L3MBTL4: variants seen among roughly 807,000 people sequenced by gnomAD.
L3MBTL4 encodes the protein L3MBTL histone methyl-lysine binding protein 4, also known as lethal(3)malignant brain tumor-like protein 4.
In L3MBTL4, 70 loss-of-function variants were observed where a neutral mutation model predicts 84.5. That is an observed-to-expected ratio of 0.83 (90% CI 0.68 to 1.01). The LOEUF is 1.01. Among genes scored for constraint, L3MBTL4 ranks in the 50% least tolerant of loss-of-function variants. L3MBTL4 has a pLI of 0.00. For missense variants in L3MBTL4, 715 were observed against 754.8 expected (o/e 0.95, Z 0.62); for synonymous variants, 274 against 259.8 (o/e 1.05, Z -0.52).
intron 16 of L3MBTL4, chr18:6,046,836 T>C (rs2056643979): frequency 1.4e-6 from 1 of 714,266 alleles, no homozygotes; most frequent in East Asian, 2.5e-5. Flanking sequence ...ATATCACATC[T>C]AGAGGAACTA....
chr18:6,155,469 T>C (rs1215440814), intron 13 of L3MBTL4, among the ~76,000 whole-genome samples: 1 of 152,136 alleles, frequency 6.6e-6, no homozygotes, highest in Non-Finnish European at 1.5e-5. Context: ...GAGTGGGCCA[T>C]AGAAGAAAAG....
chr18:6,038,621 G>A (rs1390803012), intron 16 of L3MBTL4, among the ~76,000 whole-genome samples: 1 of 152,098 alleles, frequency 6.6e-6, no homozygotes, highest in Admixed American at 6.5e-5. Context: ...ATTGATGGGG[G>A]AGAGCGGCAC....
intron 17 of L3MBTL4, among the ~76,000 whole-genome samples, chr18:5,963,765 A>C (rs1367000457): frequency 6.6e-6 from 1 of 152,236 alleles, no homozygotes; most frequent in African/African-American, 2.4e-5. Context: ...TTCTCAATGA[A>C]AGTGGTGAGC....
chr18:6,273,660 G>T (rs1202520214), intron 4 of L3MBTL4, among the ~76,000 whole-genome samples: 1 of 152,216 alleles, frequency 6.6e-6, no homozygotes, highest in Non-Finnish European at 1.5e-5. Context: ...TGGCTGAGAG[G>T]CTCTAAGCCA....
chr18:5,958,974 C>A (rs61425898), intron 18 of L3MBTL4, among the ~76,000 whole-genome samples: 4 of 152,100 alleles, frequency 2.6e-5, no homozygotes, highest in Non-Finnish European at 5.9e-5. Context: ...TATGTGTGAA[C>A]GTGGCCAACT....
At chr18:6,190,711 A>T (rs1297954663) in intron 12 of L3MBTL4, among the ~76,000 whole-genome samples, 1 of 152,222 alleles carries the variant, frequency 6.6e-6, no homozygotes, top group East Asian at 1.9e-4. Context: ...AAATAAGTGA[A>T]TGTTTTGCAT....
At chr18:6,014,780 G>T (rs2054889026) in intron 16 of L3MBTL4, among the ~76,000 whole-genome samples, 1 of 152,076 alleles carries the variant, frequency 6.6e-6, no homozygotes, top group South Asian at 2.1e-4. Flanking sequence ...GGAAACTTTG[G>T]CGAGCTTCAA....
chr18:6,160,025 G>A (rs973658549), intron 13 of L3MBTL4, among the ~76,000 whole-genome samples: 10 of 152,122 alleles, frequency 6.6e-5, no homozygotes, highest in Non-Finnish European at 1.0e-4. Context: ...GAAGGGTGAC[G>A]TAAGTACAGC....
rs2052520891 is a variant in L3MBTL4 at position 5,969,402 on chromosome 18, A to T, written c.1605T>A (p.Thr535=). ...DIRASQVARW[T]VDEVAEFVQS... ...CAGCAGCTCCACTCACCTCATCCACAGTCCAACGTGCCACTTGGCTGGCCC... is the reference window on the plus strand; with the variant it reads ...CAGCAGCTCCACTCACCTCATCCACTGTCCAACGTGCCACTTGGCTGGCCC... The change falls in exon 17 of 19, where the codon ACT becomes ACA. Residue 535 remains threonine (T), a synonymous_variant. Transcript: ENST00000317931. The T allele has an allele frequency of 1.2e-6, 2 of 1,613,818 alleles. No individual in the cohort carries two copies. Among genetic ancestry groups the T allele is most frequent in the African/African-American group, 2.7e-5 (2 of 74,900 alleles).
chr18:6,126,173 G>A (rs944628835), intron 14 of L3MBTL4, among the ~76,000 whole-genome samples: 1 of 152,124 alleles, frequency 6.6e-6, no homozygotes, highest in Non-Finnish European at 1.5e-5. Context: ...ATATAACTTA[G>A]TACTTGGATT....
intron 1 of L3MBTL4, among the ~76,000 whole-genome samples, chr18:6,323,380 G>C (rs576841805): frequency 6.6e-6 from 1 of 152,216 alleles, no homozygotes; most frequent in African/African-American, 2.4e-5. Context: ...ATGAAGGAAA[G>C]TTTGGAACTT....
At chr18:6,220,841 G>T (rs2046521743) in intron 10 of L3MBTL4, among the ~76,000 whole-genome samples, 1 of 152,134 alleles carries the variant, frequency 6.6e-6, no homozygotes, top group Admixed American at 6.5e-5. Context: ...CCAAAATTCT[G>T]AATGAAACTC....
chr18:5,967,380 T>C (rs2052406839), intron 17 of L3MBTL4, among the ~76,000 whole-genome samples: 1 of 152,216 alleles, frequency 6.6e-6, no homozygotes, highest in Non-Finnish European at 1.5e-5. Flanking sequence ...ATATAGCTGG[T>C]TTATCATGAT....
At position 6,080,780 on chromosome 18, in the gene L3MBTL4, AC is replaced by A. The variant is rs1351077745; in HGVS notation, c.1444+100del. The A allele has an allele frequency of 3.5e-6, 3 of 847,912 alleles. No individual in the cohort carries two copies. The Admixed American group carries it at 7.7e-5, about 22-fold the overall frequency. 52.5% of individuals were successfully genotyped at this position (847,912 alleles called of 1,614,324 possible). A position where few individuals can be genotyped will look rare whatever the true frequency, so the allele number is the denominator to read the frequency against. The stretch of plus-strand genomic sequence containing the variant: ...TTTGACTTCTAGTTAGGCTCTTTCT[AC>A]CATTCCCTGTTGGAATGATAAAACC... On this transcript the variant is annotated intron_variant, in intron 16 of 18. Transcript: ENST00000317931.
intron 14 of L3MBTL4, among the ~76,000 whole-genome samples, chr18:6,120,973 A>T (rs946464917): frequency 6.6e-6 from 1 of 152,194 alleles, no homozygotes; most frequent in Non-Finnish European, 1.5e-5. Context: ...CTTCTTGGAC[A>T]TATGACTAGG....
intron 16 of L3MBTL4, among the ~76,000 whole-genome samples, chr18:5,974,388 A>G (rs554639231): frequency 1.6e-4 from 24 of 151,584 alleles, no homozygotes; most frequent in Non-Finnish European, 3.2e-4. Flanking sequence ...GGAGTAACCC[A>G]TCTCCAAAGA....
Position 5,969,485 on chromosome 18 carries a change from C to G in L3MBTL4, c.1522G>C (p.Asp508His), listed in dbSNP as rs201731549. The change falls in exon 17 of 19, where the codon GAC becomes CAC. Residue 508 changes from aspartate to histidine, a missense_variant. By Grantham distance (81) the Asp-to-His change is moderately conservative. Coordinates refer to ENST00000317931, the MANE Select transcript of L3MBTL4 (RefSeq NM_001330559.2). ...MSTVSAHPFR[D>H]LPLGREQHCK... ...TGTTGCTCCCTGCCGAGGGGAAGGT[C>G]CCGAAAAGGGTGGGCTGACACCGTG... 1 of 1,613,992 alleles carries G rather than the reference C, an allele frequency of 6.2e-7. No homozygotes were observed. The highest frequency in any genetic ancestry group is 2.2e-5 in the East Asian group (1 of 44,850).
chr18:6,332,638 C>T (rs1003761856), intron 1 of L3MBTL4, among the ~76,000 whole-genome samples: 2 of 152,212 alleles, frequency 1.3e-5, no homozygotes, highest in Non-Finnish European at 2.9e-5. Context: ...AAGCCTAGAT[C>T]TGCAGGGGCC....
At chr18:6,318,192 A>G (rs1713473736) in intron 1 of L3MBTL4, among the ~76,000 whole-genome samples, 1 of 152,178 alleles carries the variant, frequency 6.6e-6, no homozygotes, top group Middle Eastern at 3.4e-3. Context: ...AAACAATAAC[A>G]CAATAAGAAA....
Sources: allele counts gnomAD v4.1 joint callset (sites outside exome capture counted in the v4.1 genomes callset), GRCh38; gene constraint gnomAD v4.1.1; transcripts MANE v1.5; gene names NCBI Gene and HGNC (gene_info 2026-07-23, HGNC 2026-07-21).